The following ARFGEF3 variants were observed in gnomAD, a reference collection of about 807,000 sequenced individuals.
The protein encoded by ARFGEF3 is ARFGEF family member 3.
ARFGEF3 carries 96 observed loss-of-function variants against 221.7 expected under a neutral mutation model. The ratio of observed to expected loss-of-function variants is 0.43; its 90% CI spans 0.37 to 0.51. The LOEUF is 0.51. Ranked by LOEUF, ARFGEF3 falls within the 20% of genes least tolerant of loss-of-function variation. The pLI, the probability that ARFGEF3 is intolerant of heterozygous loss-of-function variation, is 0.00. For synonymous variants in ARFGEF3, 1,145 were observed against 1,126.8 expected (o/e 1.02, Z -0.32); for missense variants, 2,410 against 2,789.9 (o/e 0.86, Z 3.07).
chr6:138,223,818 A>G (rs112090411), intron 4 of ARFGEF3, among the ~76,000 whole-genome samples: 3 of 152,220 alleles, frequency 2.0e-5, no homozygotes, highest in African/African-American at 7.2e-5. Flanking sequence ...GGACCATGGC[A>G]TGACTTCCCA....
chr6:138,286,843 C>T lies in ARFGEF3; in HGVS notation c.2712C>T (p.Asn904=). The part of the protein sequence containing the change: ...ILGAEGIKEQ[N]QKERDAICMS... The stretch of plus-strand genomic sequence containing the variant: ...GAGCTGAAGGCATCAAAGAGCAGAA[C>T]CAGAAGGAGCGGGACGCCATCTGCA... Residue 904 remains asparagine, a synonymous_variant, in exon 16 of 34, where the codon AAC becomes AAT. Coordinates refer to ENST00000251691, the MANE Select transcript of ARFGEF3 (RefSeq NM_020340.5). 6.2e-7 allele frequency: 1 copy of T among 1,614,000 alleles called. No individual in the cohort carries two copies. Among genetic ancestry groups the T allele is most frequent in the East Asian group, 2.2e-5 (1 of 44,884 alleles).
chr6:138,293,762 A>G (rs1031018544), intron 19 of ARFGEF3, among the ~76,000 whole-genome samples: 2 of 152,234 alleles, frequency 1.3e-5, no homozygotes, highest in Non-Finnish European at 2.9e-5. Context: ...GAGCTAGACC[A>G]TGAGGGCACA....
intron 6 of ARFGEF3, among the ~76,000 whole-genome samples, chr6:138,240,618 G>A (rs938969999): frequency 8.5e-5 from 13 of 152,078 alleles, no homozygotes; most frequent in Non-Finnish European, 1.3e-4. Context: ...CACCCCAACC[G>A]GAGGCAAGAT....
At position 138,173,950 on chromosome 6, in the gene ARFGEF3, A is replaced by T. The variant is rs373432306; in HGVS notation, c.137+3237A>T. The stretch of plus-strand genomic sequence containing the variant: ...ATACATCATCTTACTATTCAAAAGA[A>T]TGGACATTATTATGTTTCAGATGCA... On this transcript the variant is annotated intron_variant, in intron 2 of 33. Transcript: ENST00000251691. 2.6e-4 allele frequency among the ~76,000 whole-genome samples: 39 copies of T among 152,352 alleles called. No individual in the cohort carries two copies. In the East Asian group the frequency reaches 6.2e-3, roughly 24 times the overall value.
intron 1 of ARFGEF3, among the ~76,000 whole-genome samples, chr6:138,169,954 T>G (rs911609366): frequency 1.3e-5 from 2 of 151,710 alleles, no homozygotes; most frequent in Non-Finnish European, 2.9e-5. Flanking sequence ...CTCCAAGGAG[T>G]GAAGAAAGGG....
chr6:138,174,062 T>C (rs942328050), intron 2 of ARFGEF3, among the ~76,000 whole-genome samples: 7 of 152,160 alleles, frequency 4.6e-5, no homozygotes, highest in Non-Finnish European at 8.8e-5. Flanking sequence ...TCAAAGGTGT[T>C]TTTTTAAAAA....
intron 32 of ARFGEF3, among the ~76,000 whole-genome samples, chr6:138,331,158 T>C (rs1009121350): frequency 3.9e-5 from 6 of 152,262 alleles, no homozygotes; most frequent in Non-Finnish European, 8.8e-5. Context: ...ATGTTATTGG[T>C]TTTAAAAGGT....
chr6:138,270,011 A>T (rs1192994300), intron 12 of ARFGEF3, among the ~76,000 whole-genome samples: 1 of 152,004 alleles, frequency 6.6e-6, no homozygotes, highest in Non-Finnish European at 1.5e-5. Context: ...GTGCTGGCGG[A>T]GCTGCTGGCT....
In ARFGEF3 at chr6:138,229,580, TA is replaced by T. The variant is rs1410891802; in HGVS notation, c.352-203del. 2.0e-5 allele frequency among the ~76,000 whole-genome samples: 3 copies of T among 152,242 alleles called. No individual in the cohort carries two copies. In the East Asian group the frequency reaches 5.8e-4, roughly 29 times the overall value. On this transcript the variant is annotated intron_variant, in intron 4 of 33. Transcript: ENST00000251691. ...TCCATGGGGAGAGATTAGCAGCCTT[TA>T]TTTTTTACAGGATGGTCTCTACTTT...
chr6:138,230,628 A>G (rs1363921725), intron 5 of ARFGEF3, among the ~76,000 whole-genome samples: 2 of 152,224 alleles, frequency 1.3e-5, no homozygotes, highest in Non-Finnish European at 2.9e-5. Context: ...TAGCAGATAC[A>G]TGTGCTTTTT....
intron 4 of ARFGEF3, among the ~76,000 whole-genome samples, chr6:138,210,971 G>A (rs1321610882): frequency 1.3e-5 from 2 of 152,178 alleles, no homozygotes; most frequent in Non-Finnish European, 2.9e-5. Context: ...GGGTAGTTCA[G>A]GTGATGATTA....
At chr6:138,271,514 A>C (rs185973290) in intron 12 of ARFGEF3, among the ~76,000 whole-genome samples, 53 of 152,316 alleles carry the variant, frequency 3.5e-4, no homozygotes, top group African/African-American at 1.3e-3. Flanking sequence ...AACTCATTTA[A>C]TACTCATAAC....
chr6:138,225,418 A>G (rs1432834477), intron 4 of ARFGEF3, among the ~76,000 whole-genome samples: 1 of 152,174 alleles, frequency 6.6e-6, no homozygotes, highest in African/African-American at 2.4e-5. Flanking sequence ...CTTTGTTCAC[A>G]TGTCCTCTTA....
rs772653814 is a variant in ARFGEF3, at chr6:138,313,871, T to G, written c.4277T>G (p.Leu1426Arg). 4 of 1,613,884 alleles carry G rather than the reference T, an allele frequency of 2.5e-6. No homozygotes were observed. In the African/African-American group the frequency reaches 5.3e-5, roughly 22 times the overall value. ...SGRLAGLPRR[L>R]QEQSASSEDG... The stretch of plus-strand genomic sequence containing the variant: ...AGACTTGCCGGCTTGCCTCGAAGAC[T>G]TCAGGAACAGTCAGCCAGCAGTGAG... The change falls in exon 26 of 34, where the codon CTT (leucine) becomes CGT (arginine). Residue 1426 changes from leucine to arginine, a missense_variant. Leu to Arg is a moderately radical substitution (Grantham distance 102, BLOSUM62 -2). Around this residue, in one of 5 missense-constraint regions of ARFGEF3, gnomAD observed 723 missense variants for 991.9 expected, o/e 0.73. Transcript: ENST00000251691.
intron 2 of ARFGEF3, among the ~76,000 whole-genome samples, chr6:138,180,973 C>A (rs1290892750): frequency 6.6e-6 from 1 of 152,172 alleles, no homozygotes; most frequent in East Asian, 1.9e-4. Context: ...AAAGAATATT[C>A]TTGTCTCCTT....
At chr6:138,169,269 C>T (rs1329805018) in intron 1 of ARFGEF3, among the ~76,000 whole-genome samples, 1 of 152,206 alleles carries the variant, frequency 6.6e-6, no homozygotes, top group African/African-American at 2.4e-5. Context: ...AGGCCATTTT[C>T]TCCTTGACCT....
chr6:138,226,667 A>G (rs1778089850), intron 4 of ARFGEF3, among the ~76,000 whole-genome samples: 1 of 152,186 alleles, frequency 6.6e-6, no homozygotes, highest in African/African-American at 2.4e-5. Flanking sequence ...TCTGTTTTCC[A>G]TGGGGCCAGC....
chr6:138,296,905 CT>C lies in ARFGEF3; in HGVS notation c.3599del (p.Leu1200ArgfsTer4). 6.2e-7 allele frequency: 1 copy of C among 1,614,000 alleles called. No individual in the cohort carries two copies. On this transcript the variant is annotated frameshift_variant, in exon 21 of 34. Coordinates refer to ENST00000251691, the MANE Select transcript of ARFGEF3 (RefSeq NM_020340.5). LOFTEE classifies it high-confidence loss of function. The part of the protein sequence containing the change: ...LRIVRSKARP[L>X]LHVMRCWSLV... The stretch of plus-strand genomic sequence containing the variant: ...GATTGTGCGGAGCAAAGCACGGCCC[CT>C]GCTCCACGTGATGCGCTGCTGGAGC...
intron 2 of ARFGEF3, among the ~76,000 whole-genome samples, chr6:138,188,102 A>T (rs1777225746): frequency 6.6e-6 from 1 of 152,208 alleles, no homozygotes; most frequent in South Asian, 2.1e-4. Flanking sequence ...CCATGTGAAC[A>T]TCTTTATCAG....
Sources: allele counts gnomAD v4.1 joint callset (sites outside exome capture counted in the v4.1 genomes callset), GRCh38; gene constraint gnomAD v4.1.1; regional missense constraint gnomAD v4.1.1; transcripts MANE v1.5; gene names NCBI Gene and HGNC (gene_info 2026-07-23, HGNC 2026-07-21).